The following RBFOX2 variants were observed in gnomAD, a reference collection of about 807,000 sequenced individuals.
The protein encoded by RBFOX2 is RNA binding fox-1 homolog 2.
A neutral mutation model predicts 49.1 loss-of-function variants in RBFOX2; 10 were observed. The observed-to-expected ratio is 0.20, with a 90% confidence interval of 0.13 to 0.35. RBFOX2 has a LOEUF of 0.35. Ranked by LOEUF, RBFOX2 falls within the 10% of genes least tolerant of loss-of-function variation. RBFOX2 has a pLI of 1.00. For synonymous variants in RBFOX2, 183 were observed against 187.4 expected, an observed-to-expected ratio of 0.98 and a Z score of 0.19; for missense variants, 323 against 486.9, an observed-to-expected ratio of 0.66 and a Z score of 3.17.
In RBFOX2 at chr22:35,801,163, G is replaced by A. The variant is rs577814220; in HGVS notation, c.252+8617C>T. 3.3e-5 allele frequency among the ~76,000 whole-genome samples: 5 copies of A among 152,190 alleles called. No homozygotes were observed. The East Asian group carries it at 9.7e-4, about 29-fold the overall frequency. Reference sequence around the variant, plus strand: ...CCATAATAAAATATTGTTTGTGAAAGCAATTTTTAAACTGAAAAGTGAGAT... The same window carrying A: ...CCATAATAAAATATTGTTTGTGAAAACAATTTTTAAACTGAAAAGTGAGAT... On this transcript the variant is annotated intron_variant, in intron 2 of 11. Transcript: ENST00000405409.
At chr22:35,825,525 T>C (rs1204818467) in intron 1 of RBFOX2, among the ~76,000 whole-genome samples, 1 of 151,854 alleles carries the variant, frequency 6.6e-6, no homozygotes, top group Non-Finnish European at 1.5e-5. Context: ...GGGCCAGAAA[T>C]AGCATAAACT....
intron 1 of RBFOX2, chr22:35,898,156 G>A (rs2149425875): frequency 1.3e-6 from 1 of 744,654 alleles, no homozygotes; most frequent in Non-Finnish European, 2.5e-6. Context: ...ACACCGATAG[G>A]GTATGATCAC....
At chr22:35,847,145 T>A (rs1422078571) in intron 1 of RBFOX2, among the ~76,000 whole-genome samples, 1 of 152,192 alleles carries the variant, frequency 6.6e-6, no homozygotes, top group Non-Finnish European at 1.5e-5. Context: ...CAAGCCTGTA[T>A]CTCCTTACTC....
chr22:35,744,195 TCACG>T lies in RBFOX2; in HGVS notation c.1100_1103del (p.Thr367LysfsTer21). On this transcript the variant is annotated frameshift_variant and stop_lost, in exon 12 of 12. Coordinates refer to ENST00000405409, the Ensembl canonical transcript of RBFOX2. LOFTEE classifies it high-confidence loss of function. ...GGGGGCTGTCCCATTTGCAGGGGTC[TCACG>T]TCACTTCAGTAGGGGGCAAATCGGC... 1 of 1,608,806 alleles carries T rather than the reference TCACG, an allele frequency of 6.2e-7. No homozygotes were observed. The highest frequency in any genetic ancestry group is 1.3e-5 in the African/African-American group (1 of 74,836).
At chr22:35,978,190 A>G (rs2057289719) in intron 1 of RBFOX2, among the ~76,000 whole-genome samples, 1 of 152,186 alleles carries the variant, frequency 6.6e-6, no homozygotes, top group South Asian at 2.1e-4. Flanking sequence ...ATTTACAAAT[A>G]TGGAAAGAGG....
intron 4 of RBFOX2, among the ~76,000 whole-genome samples, chr22:35,774,566 T>C (rs965664588): frequency 3.9e-5 from 6 of 152,168 alleles, no homozygotes; most frequent in African/African-American, 9.6e-5. Flanking sequence ...AATATATATG[T>C]ATGCACGTGT....
rs58692076 is a variant in RBFOX2, at chr22:35,850,193, T to TACACACACACACAC, written c.-33-40203_-33-40190dup. On this transcript the variant is annotated intron_variant, in intron 1 of 13. Coordinates refer to the RBFOX2 transcript ENST00000359369. The stretch of plus-strand genomic sequence containing the variant: ...ATGCGCATTCTCTGTCTCTCTCTCA[T>TACACACACACACAC]ACACACACACACACACACACACACA... Among the ~76,000 whole-genome samples the TACACACACACACAC allele has an allele frequency of 3.1e-3, 416 of 132,592 alleles. 4 individuals are homozygous for TACACACACACACAC. The highest frequency in any genetic ancestry group is 0.015 in the Middle Eastern group (4 of 270). 87.0% of individuals were successfully genotyped at this position (132,592 alleles called of 152,430 possible). A position where few individuals can be genotyped will look rare whatever the true frequency, so the allele number is the denominator to read the frequency against.
At chr22:35,911,654 T>C (rs1049285516) in intron 1 of RBFOX2, among the ~76,000 whole-genome samples, 1 of 152,220 alleles carries the variant, frequency 6.6e-6, no homozygotes, top group African/African-American at 2.4e-5. Context: ...TAGCTGCTGG[T>C]ATCGTTACAC....
intron 9 of RBFOX2, 27 bp from the exon 11 acceptor site, chr22:35,756,171 A>G: frequency 6.7e-7 from 1 of 1,484,624 alleles, no homozygotes; most frequent in Non-Finnish European, 9.0e-7. Flanking sequence ...CAAAAACAAA[A>G]ACAAAAAAAA....
chr22:35,929,971 C>T (rs1313662988), intron 1 of RBFOX2, among the ~76,000 whole-genome samples: 5 of 150,558 alleles, frequency 3.3e-5, no homozygotes, highest in African/African-American at 1.2e-4. Flanking sequence ...GAACAAGTCA[C>T]TTACATTGAG....
intron 2 of RBFOX2, among the ~76,000 whole-genome samples, chr22:35,803,088 G>A (rs1360226951): frequency 6.6e-6 from 1 of 151,848 alleles, no homozygotes; most frequent in Non-Finnish European, 1.5e-5. Flanking sequence ...AGAAACACTA[G>A]TGGCCGTATA....
At chr22:35,980,552 C>G (rs2057405104) in intron 1 of RBFOX2, among the ~76,000 whole-genome samples, 1 of 142,288 alleles carries the variant, frequency 7.0e-6, no homozygotes, top group Non-Finnish European at 1.5e-5. Flanking sequence ...CTTTCAAAGC[C>G]AAATTTATCC....
chr22:35,922,905 T>C (rs912248649), intron 1 of RBFOX2, among the ~76,000 whole-genome samples: 4 of 152,192 alleles, frequency 2.6e-5, no homozygotes, highest in African/African-American at 9.6e-5. Context: ...ACAGAAAGTT[T>C]GCCCCCTCCT....
chr22:35,906,624 G>C (rs1344183298), intron 1 of RBFOX2, among the ~76,000 whole-genome samples: 2 of 152,128 alleles, frequency 1.3e-5, no homozygotes, highest in Non-Finnish European at 2.9e-5. Flanking sequence ...AGGCCAGCCT[G>C]GCCAACAGAG....
chr22:36,026,255 CAA>C (rs796104651), intron 1 of RBFOX2, among the ~76,000 whole-genome samples: 38 of 83,556 alleles, frequency 4.5e-4, no homozygotes, highest in Admixed American at 5.7e-4. Flanking sequence ...CCAGCCTGGG[CAA>C]AAAAAAAAAA....
chr22:35,752,788 AT>A, intron 9 of RBFOX2: 1 of 289,834 alleles, frequency 3.5e-6, no homozygotes, highest in Non-Finnish European at 5.2e-6. Context: ...ACAGGAGGTG[AT>A]TTAGGAGCAG....
intron 1 of RBFOX2, among the ~76,000 whole-genome samples, chr22:35,832,554 C>T (rs1478137532): frequency 1.3e-5 from 2 of 152,144 alleles, no homozygotes; most frequent in South Asian, 2.1e-4. Flanking sequence ...AGTTCTTGGC[C>T]AGGTGCAGTG....
chr22:35,803,104 T>C (rs1950069391), intron 2 of RBFOX2, among the ~76,000 whole-genome samples: 1 of 151,874 alleles, frequency 6.6e-6, no homozygotes, highest in East Asian at 1.9e-4. Flanking sequence ...GTATACTGTG[T>C]GGGAGTCACA....
upstream of RBFOX2, among the ~76,000 whole-genome samples, chr22:35,844,504 T>C (rs1569365024): frequency 6.6e-6 from 1 of 151,032 alleles, no homozygotes; most frequent in Non-Finnish European, 1.5e-5. Flanking sequence ...TTACTTCACT[T>C]TTTTTTTTGA....
Sources: gnomAD v4.1 joint callset for allele counts (sites outside exome capture counted in the v4.1 genomes callset) on GRCh38, gnomAD v4.1.1 for gene constraint, MANE v1.5 for transcripts, NCBI Gene and HGNC (gene_info 2026-07-23, HGNC 2026-07-21) for gene names.